Variants in HUWE1 observed in about 807,000 individuals in gnomAD.
HUWE1 encodes the protein E3 ubiquitin-protein ligase HUWE1.
In HUWE1, 18 loss-of-function variants were observed where a neutral mutation model predicts 299.4. That is an observed-to-expected ratio of 0.06 (90% CI 0.04 to 0.09). HUWE1 has a LOEUF of 0.09. Among genes scored for constraint, HUWE1 ranks in the 10% least tolerant of loss-of-function variants. The pLI, the probability that HUWE1 is intolerant of heterozygous loss-of-function variation, is 1.00. For missense variants in HUWE1, 1,832 were observed against 3,462.3 expected (o/e 0.53, Z 11.82); for synonymous variants, 1,317 against 1,286.1 (o/e 1.02, Z -0.51).
chrX:53,547,015 A>G (rs2061565193), intron 68 of HUWE1, among the ~76,000 whole-genome samples, 190 bp from the exon 69 acceptor site: 1 of 112,168 alleles, frequency 8.9e-6, no homozygotes, highest in African/African-American at 3.2e-5. Context: ...TTTATTACAG[A>G]CACGGTCTCG....
chrX:53,589,842 T>C, intron 35 of HUWE1, 26 bp from the exon 36 acceptor site: 1 of 1,187,694 alleles, frequency 8.4e-7, no homozygotes, highest in Non-Finnish European at 1.1e-6. Flanking sequence ...GAAGTGTGAA[T>C]AATACACAGG....
chrX:53,613,805 T>G (rs1557004675), intron 23 of HUWE1, among the ~76,000 whole-genome samples: 1 of 111,797 alleles, frequency 8.9e-6, no homozygotes, highest in East Asian at 2.8e-4. Context: ...TAAGGACTTC[T>G]TAGGAGACAG....
chrX:53,642,027 T>G (rs1219857775), intron 7 of HUWE1, among the ~76,000 whole-genome samples: 2 of 111,248 alleles, frequency 1.8e-5, no homozygotes, highest in Admixed American at 1.9e-4. Context: ...ACACACACAT[T>G]TTTTCCCTAT....
chrX:53,606,959 T>A (rs1556997251), intron 25 of HUWE1, among the ~76,000 whole-genome samples: 1 of 111,679 alleles, frequency 9.0e-6, no homozygotes, highest in African/African-American at 3.3e-5. Context: ...GATGATACAT[T>A]TCATGTTATG....
Position 53,645,748 on chromosome X carries a change from T to A in HUWE1, c.352-285A>T, listed in dbSNP as rs80143497. 0.2 allele frequency among the ~76,000 whole-genome samples: 5,970 copies of A among 30,323 alleles called. 610 individuals are homozygous for A. The highest frequency in any genetic ancestry group is 0.27 in the Admixed American group (617 of 2,261). The allele number at this position is 30,323 out of a possible 115,157, so 26.3% of individuals were successfully genotyped here. ...AAAAAAAAAAAAAAATATATATATATATATATATATATATATATATATATA... is the reference window on the plus strand; with the variant it reads ...AAAAAAAAAAAAAAATATATATATAAATATATATATATATATATATATATA... On this transcript the variant is annotated intron_variant, in intron 6 of 83. Transcript: ENST00000262854.
chrX:53,572,599 C>T (rs2062886956), intron 47 of HUWE1, among the ~76,000 whole-genome samples: 1 of 111,545 alleles, frequency 9.0e-6, no homozygotes, highest in African/African-American at 3.3e-5. Flanking sequence ...TTTACATATG[C>T]GGGAACATGT....
At chrX:53,533,833 T>C (rs2060878471) in intron 83 of HUWE1, 174 bp downstream of exon 83, 3 of 504,743 alleles carry the variant, frequency 5.9e-6, no homozygotes, top group Non-Finnish European at 1.1e-5. Flanking sequence ...GCCCCCACTG[T>C]GTCTAGCACA....
rs1317504540 is a variant in HUWE1 at position 53,534,600 on chromosome X, C to A, written c.12747G>T (p.Leu4249=). The change falls in exon 82 of 84, where the codon CTG becomes CTT. Residue 4249 remains leucine, a synonymous_variant. Transcript: ENST00000262854. ...CAATGGTGGGCAGTCCTGATATAAG[C>A]AGCTCTAACTCCTGCTCAGTGAAGA... ...ISIFTEQELE[L]LISGLPTIDI... The A allele has an allele frequency of 8.3e-7, 1 of 1,209,915 alleles. No individual in the cohort carries two copies. Among genetic ancestry groups the A allele is most frequent in the Non-Finnish European group, 1.1e-6 (1 of 893,913 alleles).
intron 52 of HUWE1, 111 bp downstream of exon 52, chrX:53,563,635 G>A: frequency 2.4e-6 from 2 of 838,346 alleles, no homozygotes; most frequent in Admixed American, 5.2e-5. Flanking sequence ...AGCGATCTAG[G>A]CTGGCTATGA....
At chrX:53,613,107 A>G (rs1281507999) in intron 23 of HUWE1, among the ~76,000 whole-genome samples, 5 of 111,878 alleles carry the variant, frequency 4.5e-5, no homozygotes, top group Admixed American at 1.9e-4. Flanking sequence ...GTCTACAAAA[A>G]AAAGTCGTGC....
intron 7 of HUWE1, 103 bp downstream of exon 7, chrX:53,645,208 A>G: frequency 1.1e-6 from 1 of 880,873 alleles, no homozygotes; most frequent in Non-Finnish European, 1.7e-6. Flanking sequence ...CAGTGAAGTT[A>G]ACTTAGGGAT....
intron 44 of HUWE1, among the ~76,000 whole-genome samples, 173 bp downstream of exon 44, chrX:53,576,727 T>C (rs1170424024): frequency 8.9e-6 from 1 of 112,357 alleles, no homozygotes; most frequent in Non-Finnish European, 1.9e-5. Flanking sequence ...TGGTATGTCA[T>C]ACTATATGAC....
At chrX:53,546,889 C>CA in intron 68 of HUWE1, 64 bp from the exon 69 acceptor site, 2 of 1,154,033 alleles carry the variant, frequency 1.7e-6, no homozygotes, top group Non-Finnish European at 2.3e-6. Context: ...GACTAAGTGA[C>CA]AAAATCAAGG....
chrX:53,601,051 G>A (rs1271128053), intron 28 of HUWE1, among the ~76,000 whole-genome samples: 2 of 111,719 alleles, frequency 1.8e-5, no homozygotes, highest in Non-Finnish European at 3.8e-5. Flanking sequence ...GTTTATTAAT[G>A]TTATCCCATC....
intron 60 of HUWE1, chrX:53,556,412 A>C (rs941977984): frequency 1.2e-5 from 4 of 329,985 alleles, no homozygotes; most frequent in Non-Finnish European, 2.4e-5. Flanking sequence ...TTGCTAGATT[A>C]AGGGTACCAA....
chrX:53,676,921 G>A (rs1372018382), intron 3 of HUWE1, among the ~76,000 whole-genome samples: 3 of 111,206 alleles, frequency 2.7e-5, no homozygotes, highest in African/African-American at 9.8e-5. Context: ...ATATTGCTGA[G>A]TAACCAAATA....
At chrX:53,652,566 T>C (rs1217315562) in intron 4 of HUWE1, among the ~76,000 whole-genome samples, 3 of 112,030 alleles carry the variant, frequency 2.7e-5, no homozygotes, top group Non-Finnish European at 5.6e-5. Flanking sequence ...GCAAGTTTTC[T>C]TTTTGTCCTT....
chrX:53,582,645 ATT>A (rs2063677690), intron 42 of HUWE1, among the ~76,000 whole-genome samples: 1 of 112,786 alleles, frequency 8.9e-6, no homozygotes, highest in Non-Finnish European at 1.9e-5. Flanking sequence ...AGCAAAGTCT[ATT>A]AACAGTCATT....
intron 24 of HUWE1, among the ~76,000 whole-genome samples, chrX:53,608,542 C>T (rs2065270503): frequency 9.0e-6 from 1 of 111,468 alleles, no homozygotes; most frequent in African/African-American, 3.3e-5. Context: ...AATTTTGGAG[C>T]ATTTTGGATT....
Sources: allele counts gnomAD v4.1 joint callset (sites outside exome capture counted in the v4.1 genomes callset), GRCh38; gene constraint gnomAD v4.1.1; transcripts MANE v1.5; gene names NCBI Gene and HGNC (gene_info 2026-07-23, HGNC 2026-07-21).